The following CDKN2AIP variants were observed in gnomAD, a reference collection of about 807,000 sequenced individuals.
CDKN2AIP encodes the protein CDKN2A-interacting protein.
In CDKN2AIP, 12 loss-of-function variants were observed where a neutral mutation model predicts 44.1. The ratio of observed to expected loss-of-function variants is 0.27; its 90% CI spans 0.17 to 0.44. The LOEUF is 0.44. Ranked by LOEUF, CDKN2AIP falls within the 20% of genes least tolerant of loss-of-function variation. The pLI is 1.00. For synonymous variants in CDKN2AIP, 291 were observed against 272.1 expected, an observed-to-expected ratio of 1.07 and a Z score of -0.68; for missense variants, 705 against 681.6, an observed-to-expected ratio of 1.03 and a Z score of -0.38.
In CDKN2AIP at chr4:183,444,908, T is replaced by C. The variant is rs769685708; in HGVS notation, c.111T>C (p.Asp37=). 1 of 1,609,900 alleles carries C rather than the reference T, an allele frequency of 6.2e-7. No homozygotes were observed. Among genetic ancestry groups the C allele is most frequent in the South Asian group, 1.1e-5 (1 of 90,804 alleles). ...ETDKHWRHRR[D]FLLRNAGDLA... ...ACAAACACTGGCGCCACCGCCGGGATTTTTTGCTTCGCAACGCCGGGGACC... is the reference window on the plus strand; with the variant it reads ...ACAAACACTGGCGCCACCGCCGGGACTTTTTGCTTCGCAACGCCGGGGACC... The change falls in exon 1 of 3, where the codon GAT becomes GAC. Residue 37 remains aspartate, a synonymous_variant. Coordinates refer to ENST00000504169, the MANE Select transcript of CDKN2AIP (RefSeq NM_017632.4).
Position 183,448,058 on chromosome 4 carries a change from G to A in CDKN2AIP, c.*631G>A, listed in dbSNP as rs1733720190. ...AGATTCTTTAAGCGGGTTAATTTAT[G>A]TTTTGAGGTGGAATACAATTTACAC... On this transcript the variant is annotated 3_prime_UTR_variant, in exon 3 of 3. Transcript: ENST00000504169. 6.6e-6 allele frequency: 1 copy of A among 152,156 alleles called. No individual in the cohort carries two copies. The highest frequency in any genetic ancestry group is 1.5e-5 in the Non-Finnish European group (1 of 67,988). The allele number at this position is 152,156 out of a possible 1,614,324, so 9.4% of individuals were successfully genotyped here.
chr4:183,446,853 T>C lies in CDKN2AIP; in HGVS notation c.1169T>C (p.Leu390Ser). Residue 390 changes from leucine (L) to serine (S), a missense_variant, in exon 3 of 3, where the codon TTA becomes TCA. Physicochemically the swap from Leu to Ser is moderately radical, Grantham distance 145. Transcript: ENST00000504169. ...TCTCTGGTTTCCAAAAGCACTTCCT[T>C]AGCAAGTGTGTCCCAGTTGGCTTCT... ...SGSLVSKSTS[L>S]ASVSQLASKS... is the part of the protein sequence containing the mutation. 6.2e-7 allele frequency: 1 copy of C among 1,614,148 alleles called. No homozygotes were observed. Among genetic ancestry groups the C allele is most frequent in the South Asian group, 1.1e-5 (1 of 91,090 alleles).
rs753204795 is a variant in CDKN2AIP at position 183,446,433 on chromosome 4, C to A, written c.749C>A (p.Ser250Tyr). The change falls in exon 3 of 3, where the codon TCC becomes TAC. Residue 250 changes from serine (S) to tyrosine (Y), a missense_variant. Around this residue, in one of 2 missense-constraint regions of CDKN2AIP, gnomAD observed 592 missense variants for 518.0 expected, o/e 1.14. Coordinates refer to ENST00000504169, the MANE Select transcript of CDKN2AIP (RefSeq NM_017632.4). Reference sequence around the variant, plus strand: ...GCATCATTTGTTTCCTTGCTGAAATCCAGTGTGAATAGTCACATGACCCAA... The same window carrying A: ...GCATCATTTGTTTCCTTGCTGAAATACAGTGTGAATAGTCACATGACCCAA... ...GSASFVSLLK[S>Y]SVNSHMTQST... 1.2e-6 allele frequency: 2 copies of A among 1,613,504 alleles called. No homozygotes were observed. Among genetic ancestry groups the A allele is most frequent in the Non-Finnish European group, 8.5e-7 (1 of 1,179,392 alleles).
intron 1 of CDKN2AIP, 161 bp downstream of exon 1, chr4:183,445,230 C>G: frequency 1.2e-6 from 1 of 828,488 alleles, no homozygotes; most frequent in Non-Finnish European, 1.8e-6. Context: ...AAGGGCGTCC[C>G]TGCGAGGAGC....
Position 183,446,074 on chromosome 4 carries a change from TTTC to T in CDKN2AIP, c.404-8_404-6del, listed in dbSNP as rs1433048309. 1 of 1,573,734 alleles carries T rather than the reference TTTC, an allele frequency of 6.4e-7. No individual in the cohort carries two copies. Among genetic ancestry groups the T allele is most frequent in the South Asian group, 1.2e-5 (1 of 84,794 alleles). Reference sequence around the variant, plus strand: ...GTATTCTTAGTCACATATCTATGTTTTTCTTCTTTTTAGAAGGGGTAGAAGAGC... The same window carrying T: ...GTATTCTTAGTCACATATCTATGTTTTTCTTTTTAGAAGGGGTAGAAGAGC... On this transcript the variant is annotated splice_polypyrimidine_tract_variant and intron_variant, in intron 2 of 2. Transcript: ENST00000504169.
chr4:183,445,665 G>C lies in CDKN2AIP; in HGVS notation c.403G>C (p.Glu135Gln). ...GAAAAGAGGGATATCGAGTAGCAAT[G>C]GTTAGCAGATCATAGATGTGAACAT... ...VKKRGISSSN[E>Q]GVEEPSKKRV... Residue 135 changes from glutamate to glutamine, a missense_variant and splice_region_variant, in exon 2 of 3, where the codon GAA (glutamate) becomes CAA (glutamine). By Grantham distance (29) the Glu-to-Gln change is conservative. This residue lies in a region of CDKN2AIP where 592 missense variants were observed against 518.0 expected (regional missense o/e 1.14). Transcript: ENST00000504169. The C allele has an allele frequency of 1.9e-6, 3 of 1,608,590 alleles. No homozygotes were observed. The highest frequency in any genetic ancestry group is 2.6e-6 in the Non-Finnish European group (3 of 1,174,990).
At position 183,445,193 on chromosome 4, in the gene CDKN2AIP, C is replaced by T. The variant is rs534086646; in HGVS notation, c.272+124C>T. ...GGAAGTTGTGAAGCGCGGGAATCCGCCGGCCCGGCTGCCCTCTAAGGGGGA... is the reference window on the plus strand; with the variant it reads ...GGAAGTTGTGAAGCGCGGGAATCCGTCGGCCCGGCTGCCCTCTAAGGGGGA... On this transcript the variant is annotated intron_variant, in intron 1 of 2. Coordinates refer to ENST00000504169, the MANE Select transcript of CDKN2AIP (RefSeq NM_017632.4). 149 of 1,245,890 alleles carry T rather than the reference C, an allele frequency of 1.2e-4. 1 individual carries two copies. The East Asian group carries it at 3.5e-3, about 29-fold the overall frequency. The allele number at this position is 1,245,890 out of a possible 1,614,324, so 77.2% of individuals were successfully genotyped here. A position where few individuals can be genotyped will look rare whatever the true frequency, so the allele number is the denominator to read the frequency against.
Position 183,444,904 on chromosome 4 carries a change from G to T in CDKN2AIP, c.107G>T (p.Arg36Leu). Residue 36 changes from arginine to leucine, a missense_variant, in exon 1 of 3, where the codon CGG becomes CTG. Transcript: ENST00000504169. ...GETDKHWRHR[R>L]DFLLRNAGDL... ...ACTGACAAACACTGGCGCCACCGCCGGGATTTTTTGCTTCGCAACGCCGGG... is the reference window on the plus strand; with the variant it reads ...ACTGACAAACACTGGCGCCACCGCCTGGATTTTTTGCTTCGCAACGCCGGG... The T allele has an allele frequency of 6.2e-7, 1 of 1,609,434 alleles. No individual in the cohort carries two copies.
Position 183,444,830 on chromosome 4 carries a change from G to A in CDKN2AIP, c.33G>A (p.Gln11=). The change falls in exon 1 of 3, where the codon CAG becomes CAA. Residue 11 remains glutamine (Q), a synonymous_variant. Transcript: ENST00000504169. MAQEVSEYLS[Q]NPRVAAWVEA... ...AGGAGGTGTCGGAGTACCTGAGCCA[G>A]AACCCGCGGGTGGCAGCCTGGGTGG... is the stretch of plus-strand genomic sequence containing the variant. The A allele has an allele frequency of 5.8e-6, 9 of 1,558,260 alleles. No homozygotes were observed. Among genetic ancestry groups the A allele is most frequent in the Non-Finnish European group, 7.8e-6 (9 of 1,150,274 alleles).
At position 183,444,973 on chromosome 4, in the gene CDKN2AIP, A is replaced by G. The variant is rs1453117421; in HGVS notation, c.176A>G (p.Glu59Gly). The change falls in exon 1 of 3, where the codon GAA becomes GGA. Residue 59 changes from glutamate to glycine, a missense_variant. Physicochemically the swap from Glu to Gly is moderately conservative, Grantham distance 98. Around this residue, in one of 2 missense-constraint regions of CDKN2AIP, gnomAD observed 592 missense variants for 518.0 expected, o/e 1.14. Coordinates refer to ENST00000504169, the MANE Select transcript of CDKN2AIP (RefSeq NM_017632.4). ...AGGAASASTD[E>G]AADAESGTRN... ...GGCGCTGCCTCCGCTAGCACGGATG[A>G]AGCTGCCGACGCCGAGAGCGGGACC... The G allele has an allele frequency of 6.2e-7, 1 of 1,609,480 alleles. No individual in the cohort carries two copies. The highest frequency in any genetic ancestry group is 1.3e-5 in the African/African-American group (1 of 74,958).
rs781055322 is a variant in CDKN2AIP at position 183,446,469 on chromosome 4, C to T, written c.785C>T (p.Ser262Phe). Residue 262 changes from serine (S) to phenylalanine (F), a missense_variant, in exon 3 of 3, where the codon TCT becomes TTT. Ser to Phe is a radical substitution (Grantham distance 155). Around this residue, in one of 2 missense-constraint regions of CDKN2AIP, gnomAD observed 592 missense variants for 518.0 expected, o/e 1.14. Coordinates refer to ENST00000504169, the MANE Select transcript of CDKN2AIP (RefSeq NM_017632.4). ...VNSHMTQSTD[S>F]RQQSGSPKKS... ...AGTCACATGACCCAATCCACTGATT[C>T]TAGACAACAAAGTGGATCACCTAAA... 1.9e-6 allele frequency: 3 copies of T among 1,613,686 alleles called. No individual in the cohort carries two copies. The South Asian group carries it at 3.3e-5, about 18-fold the overall frequency.
intron 2 of CDKN2AIP, chr4:183,445,877 A>G (rs1579140086): frequency 4.7e-6 from 3 of 637,644 alleles, no homozygotes; most frequent in East Asian, 2.7e-5. Context: ...TGAAGTGTCC[A>G]CTGTTGTCTG....
In CDKN2AIP at chr4:183,448,895, T is replaced by C. The variant is rs991738953; in HGVS notation, c.*1468T>C. 2.6e-5 allele frequency among the ~76,000 whole-genome samples: 4 copies of C among 152,316 alleles called. No individual in the cohort carries two copies. The highest frequency in any genetic ancestry group is 9.6e-5 in the African/African-American group (4 of 41,582). On this transcript the variant is annotated 3_prime_UTR_variant, in exon 3 of 3. Coordinates refer to ENST00000504169, the MANE Select transcript of CDKN2AIP (RefSeq NM_017632.4). The stretch of plus-strand genomic sequence containing the variant: ...GATACCAAAGCTAAAATCCATATAC[T>C]GTAAGTGGGTTGCCTTTATAGATTG...
rs1443844833 is a variant in CDKN2AIP at position 183,447,835 on chromosome 4, T to C, written c.*408T>C. ...GAAAGGGACCACAGTATTTGAATGTTTGAAAGTCTGTAAAGCTTAAGGTTT... is the reference window on the plus strand; with the variant it reads ...GAAAGGGACCACAGTATTTGAATGTCTGAAAGTCTGTAAAGCTTAAGGTTT... On this transcript the variant is annotated 3_prime_UTR_variant, in exon 3 of 3. Coordinates refer to ENST00000504169, the MANE Select transcript of CDKN2AIP (RefSeq NM_017632.4). 6.5e-6 allele frequency: 1 copy of C among 154,048 alleles called. No individual in the cohort carries two copies. The highest frequency in any genetic ancestry group is 1.4e-5 in the Non-Finnish European group (1 of 69,062). The allele number at this position is 154,048 out of a possible 1,614,324, so 9.5% of individuals were successfully genotyped here.
rs1733708422 is a variant in CDKN2AIP at position 183,447,486 on chromosome 4, G to A, written c.*59G>A. On this transcript the variant is annotated 3_prime_UTR_variant, in exon 3 of 3. Transcript: ENST00000504169. ...TATTTGAAGAGAAAAACTGACTTTTGTATAGTATAAAACACAGGCTTTCAC... is the reference window on the plus strand; with the variant it reads ...TATTTGAAGAGAAAAACTGACTTTTATATAGTATAAAACACAGGCTTTCAC... The A allele has an allele frequency of 3.1e-6, 4 of 1,290,948 alleles. No individual in the cohort carries two copies. The highest frequency in any genetic ancestry group is 1.5e-5 in the African/African-American group (1 of 67,106). 80.0% of individuals were successfully genotyped at this position (1,290,948 alleles called of 1,614,324 possible).
rs775355984 is a variant in CDKN2AIP at position 183,446,401 on chromosome 4, C to G, written c.717C>G (p.His239Gln). Reference sequence around the variant, plus strand: ...CTGAAGCAGAAGCTCCAGATAAACACGGTTCTGCATCATTTGTTTCCTTGC... The same window carrying G: ...CTGAAGCAGAAGCTCCAGATAAACAGGGTTCTGCATCATTTGTTTCCTTGC... Reference protein sequence around the residue: ...KASEAEAPDKHGSASFVSLLK... With the variant: ...KASEAEAPDKQGSASFVSLLK... The change falls in exon 3 of 3, where the codon CAC (histidine) becomes CAG (glutamine). Residue 239 changes from histidine to glutamine, a missense_variant. Physicochemically the swap from His to Gln is conservative, Grantham distance 24. Around this residue, in one of 2 missense-constraint regions of CDKN2AIP, gnomAD observed 592 missense variants for 518.0 expected, o/e 1.14. Transcript: ENST00000504169. 3 of 1,558,980 alleles carry G rather than the reference C, an allele frequency of 1.9e-6. No individual in the cohort carries two copies. In the South Asian group the frequency reaches 3.3e-5, roughly 17 times the overall value.
In CDKN2AIP at chr4:183,444,671, G is replaced by T; in HGVS notation, c.-127G>T. 1.1e-6 allele frequency: 1 copy of T among 907,676 alleles called. No individual in the cohort carries two copies. The highest frequency in any genetic ancestry group is 1.6e-6 in the Non-Finnish European group (1 of 641,214). 56.2% of individuals were successfully genotyped at this position (907,676 alleles called of 1,614,324 possible). A position where few individuals can be genotyped will look rare whatever the true frequency, so the allele number is the denominator to read the frequency against. ...TCGGCGGCTCTGGGCGCTGTTGTTT[G>T]GTCTTTAGGCCTGCGGAGGGGCGTT... is the stretch of plus-strand genomic sequence containing the variant. On this transcript the variant is annotated 5_prime_UTR_variant, in exon 1 of 3. Transcript: ENST00000504169.
Position 183,446,502 on chromosome 4 carries a change from C to A in CDKN2AIP, c.818C>A (p.Ala273Asp). Reference protein sequence around the residue: ...RQQSGSPKKSALEGSSASASQ... With the variant: ...RQQSGSPKKSDLEGSSASASQ... ...CAAAGTGGATCACCTAAAAAGAGTGCTTTGGAAGGCTCTTCAGCCTCAGCT... is the reference window on the plus strand; with the variant it reads ...CAAAGTGGATCACCTAAAAAGAGTGATTTGGAAGGCTCTTCAGCCTCAGCT... Residue 273 changes from alanine to aspartate, a missense_variant, in exon 3 of 3, where the codon GCT (alanine) becomes GAT (aspartate). Physicochemically the swap from Ala to Asp is moderately radical, Grantham distance 126. Around this residue, in one of 2 missense-constraint regions of CDKN2AIP, gnomAD observed 592 missense variants for 518.0 expected, o/e 1.14. Coordinates refer to ENST00000504169, the MANE Select transcript of CDKN2AIP (RefSeq NM_017632.4). 6.2e-7 allele frequency: 1 copy of A among 1,613,650 alleles called. No homozygotes were observed. Among genetic ancestry groups the A allele is most frequent in the Non-Finnish European group, 8.5e-7 (1 of 1,179,518 alleles).
rs1733724631 is a variant in CDKN2AIP, at chr4:183,448,212, TC to T, written c.*786del. On this transcript the variant is annotated 3_prime_UTR_variant, in exon 3 of 3. Transcript: ENST00000504169. ...CCTTTTCAAGAAGTTGTGTTTTTTT[TC>T]TCCAAGTCAGAACCAATTCCTGCAA... is the stretch of plus-strand genomic sequence containing the variant. 1 of 152,224 alleles carries T rather than the reference TC, an allele frequency of 6.6e-6. No individual in the cohort carries two copies. Among genetic ancestry groups the T allele is most frequent in the Non-Finnish European group, 1.5e-5 (1 of 68,024 alleles). 9.4% of individuals were successfully genotyped at this position (152,224 alleles called of 1,614,324 possible).
Sources: allele counts gnomAD v4.1 joint callset (sites outside exome capture counted in the v4.1 genomes callset), GRCh38; gene constraint gnomAD v4.1.1; regional missense constraint gnomAD v4.1.1; transcripts MANE v1.5; gene names NCBI Gene and HGNC (gene_info 2026-07-23, HGNC 2026-07-21).